ARSJ: variants seen among roughly 807,000 people sequenced by gnomAD.
ARSJ encodes arylsulfatase J.
ARSJ carries 26 observed loss-of-function variants against 35.9 expected under a neutral mutation model. That is an observed-to-expected ratio of 0.72 (90% CI 0.53 to 1.00). The LOEUF is 1.00. Among genes scored for constraint, ARSJ ranks in the 50% least tolerant of loss-of-function variants. ARSJ has a pLI of 0.00. For synonymous variants in ARSJ, 294 were observed against 267.6 expected (o/e 1.10, Z -0.96); for missense variants, 667 against 723.6 (o/e 0.92, Z 0.90).
At chr4:113,963,690 A>G (rs183120093) in intron 1 of ARSJ, among the ~76,000 whole-genome samples, 1 of 151,546 alleles carries the variant, frequency 6.6e-6, no homozygotes, top group Non-Finnish European at 1.5e-5. Context: ...GAATGAATGG[A>G]TGAATGAATG....
At chr4:113,938,045 T>C (rs754669560) in intron 1 of ARSJ, among the ~76,000 whole-genome samples, 1 of 152,008 alleles carries the variant, frequency 6.6e-6, no homozygotes, top group Non-Finnish European at 1.5e-5. Context: ...TACTTTAAAA[T>C]TCATATGGAA....
intron 1 of ARSJ, among the ~76,000 whole-genome samples, chr4:113,922,012 T>C (rs1282480874): frequency 1.3e-5 from 2 of 152,154 alleles, no homozygotes; most frequent in East Asian, 3.8e-4. Context: ...GTTGTTTCTT[T>C]ACCTTGTGAT....
chr4:113,906,236 CTATT>C (rs1310235791), intron 1 of ARSJ, among the ~76,000 whole-genome samples: 3 of 152,076 alleles, frequency 2.0e-5, no homozygotes, highest in Non-Finnish European at 4.4e-5. Flanking sequence ...ACTGGAATGT[CTATT>C]TAATTCATCA....
At chr4:113,922,685 T>C (rs908761955) in intron 1 of ARSJ, among the ~76,000 whole-genome samples, 3 of 152,200 alleles carry the variant, frequency 2.0e-5, no homozygotes, top group Non-Finnish European at 1.5e-5. Context: ...TATGAAACAG[T>C]GTAACAATTT....
At position 113,903,012 on chromosome 4, in the gene ARSJ, C is replaced by T. The variant is rs1271900533; in HGVS notation, c.1062G>A (p.Arg354=). 1 of 1,614,042 alleles carries T rather than the reference C, an allele frequency of 6.2e-7. No homozygotes were observed. The highest frequency in any genetic ancestry group is 1.7e-5 in the Admixed American group (1 of 60,012). ...GTGGGCTATGCACAAAGCCTACAGCCCGGATCCCTCCTTCCCAATATGTTC... is the reference window on the plus strand; with the variant it reads ...GTGGGCTATGCACAAAGCCTACAGCTCGGATCCCTCCTTCCCAATATGTTC... ...SKGTYWEGGI[R]AVGFVHSPLL... The change falls in exon 2 of 2, where the codon CGG becomes CGA. Residue 354 remains arginine, a synonymous_variant. Coordinates refer to ENST00000315366, the MANE Select transcript of ARSJ (RefSeq NM_024590.4).
chr4:113,971,396 A>G (rs1397704362), intron 1 of ARSJ, among the ~76,000 whole-genome samples: 2 of 152,210 alleles, frequency 1.3e-5, no homozygotes, highest in African/African-American at 4.8e-5. Context: ...CGGAAACTCA[A>G]TAGAATTATC....
intron 1 of ARSJ, among the ~76,000 whole-genome samples, chr4:113,946,009 A>AT (rs11316516): frequency 3.6e-4 from 54 of 151,436 alleles, no homozygotes; most frequent in African/African-American, 1.1e-3. Flanking sequence ...CTCTTTAAAC[A>AT]TTTTTTTTTT....
chr4:113,917,992 G>A (rs183654763), intron 1 of ARSJ, among the ~76,000 whole-genome samples: 1 of 152,114 alleles, frequency 6.6e-6, no homozygotes, highest in African/African-American at 2.4e-5. Flanking sequence ...AAGAAATTAC[G>A]GAGTTCAATA....
chr4:113,970,191 A>C (rs1727154726), intron 1 of ARSJ, among the ~76,000 whole-genome samples: 1 of 152,216 alleles, frequency 6.6e-6, no homozygotes, highest in Non-Finnish European at 1.5e-5. Flanking sequence ...ACTGTGAATC[A>C]TCCATTTCCC....
At chr4:113,948,255 G>C (rs1394817957) in intron 1 of ARSJ, among the ~76,000 whole-genome samples, 1 of 152,002 alleles carries the variant, frequency 6.6e-6, no homozygotes, top group Non-Finnish European at 1.5e-5. Context: ...GTTATTTACA[G>C]CTTCAACCCA....
chr4:113,947,606 A>AGAGG (rs111821666), intron 1 of ARSJ, among the ~76,000 whole-genome samples: 45,714 of 137,918 alleles, frequency 0.33, 8,214 homozygotes, highest in East Asian at 0.49. Flanking sequence ...AGAGGGAGAG[A>AGAGG]GAGGGAGGGA....
intron 1 of ARSJ, among the ~76,000 whole-genome samples, chr4:113,977,304 T>A (rs1181649280): frequency 1.3e-5 from 2 of 152,196 alleles, no homozygotes; most frequent in Non-Finnish European, 2.9e-5. Context: ...GGAAGGACAA[T>A]AATTTTTTTC....
In ARSJ at chr4:113,978,806, G is replaced by C. The variant is rs199822866; in HGVS notation, c.29C>G (p.Pro10Arg). The C allele has an allele frequency of 1.8e-5, 29 of 1,611,812 alleles. No homozygotes were observed. The highest frequency in any genetic ancestry group is 2.3e-5 in the Non-Finnish European group (27 of 1,178,910). Residue 10 changes from proline (P) to arginine (R), a missense_variant, in exon 1 of 2, where the codon CCG becomes CGG. Transcript: ENST00000315366. MAPRGCAGH[P>R]PPPSPQACVC... ...ACAGGCCTGTGGAGAAGGCGGAGGCGGATGCCCCGCACAGCCCCTGGGAGC... is the reference window on the plus strand; with the variant it reads ...ACAGGCCTGTGGAGAAGGCGGAGGCCGATGCCCCGCACAGCCCCTGGGAGC...
At chr4:113,975,760 C>A (rs1727553246) in intron 1 of ARSJ, among the ~76,000 whole-genome samples, 2 of 152,180 alleles carry the variant, frequency 1.3e-5, no homozygotes, top group Admixed American at 6.5e-5. Flanking sequence ...GACTGCTCAG[C>A]AGACGCTAAC....
At chr4:113,973,852 G>T (rs1727429059) in intron 1 of ARSJ, among the ~76,000 whole-genome samples, 1 of 152,056 alleles carries the variant, frequency 6.6e-6, no homozygotes, top group Admixed American at 6.5e-5. Flanking sequence ...CAATTTTGAA[G>T]AACAAGCAGG....
chr4:113,969,557 G>A (rs1727110952), intron 1 of ARSJ, among the ~76,000 whole-genome samples: 1 of 152,072 alleles, frequency 6.6e-6, no homozygotes, highest in African/African-American at 2.4e-5. Flanking sequence ...TTTCACATAT[G>A]TTATGTCAAT....
intron 1 of ARSJ, among the ~76,000 whole-genome samples, chr4:113,921,912 A>G (rs1191036680): frequency 6.6e-6 from 1 of 152,162 alleles, no homozygotes; most frequent in Non-Finnish European, 1.5e-5. Context: ...TAAATGGGCA[A>G]ATAGTTTAGT....
intron 1 of ARSJ, among the ~76,000 whole-genome samples, chr4:113,930,110 A>G (rs2149263654): frequency 6.6e-6 from 1 of 152,242 alleles, no homozygotes; most frequent in East Asian, 1.9e-4. Flanking sequence ...CTCTAGAACC[A>G]TCCCTGGTAC....
intron 1 of ARSJ, among the ~76,000 whole-genome samples, chr4:113,927,366 G>A (rs1724135918): frequency 6.6e-6 from 1 of 152,182 alleles, no homozygotes; most frequent in Non-Finnish European, 1.5e-5. Flanking sequence ...AATAAGTTTA[G>A]TGTGTTTGCT....
Sources: gnomAD v4.1 joint callset for allele counts (sites outside exome capture counted in the v4.1 genomes callset) on GRCh38, gnomAD v4.1.1 for gene constraint, MANE v1.5 for transcripts, NCBI Gene and HGNC (gene_info 2026-07-23, HGNC 2026-07-21) for gene names.